Variants in CCDC191 observed in about 807,000 individuals in gnomAD.
CCDC191 encodes coiled-coil domain-containing protein 191.
In CCDC191, 99 loss-of-function variants were observed where a neutral mutation model predicts 114.0. That is an observed-to-expected ratio of 0.87 (90% CI 0.74 to 1.03). CCDC191 has a LOEUF of 1.03. Among genes scored for constraint, CCDC191 ranks in the 50% least tolerant of loss-of-function variants. The probability of loss-of-function intolerance (pLI) is 0.00; values close to 1 mark genes in which losing one functional copy is unlikely to be tolerated. For synonymous variants in CCDC191, 351 were observed against 376.0 expected (o/e 0.93, Z 0.77); for missense variants, 973 against 1,087.0 (o/e 0.90, Z 1.47).
chr3:113,978,826 T>C, intron 15 of CCDC191, 32 bp downstream of exon 15: 1 of 1,593,838 alleles, frequency 6.3e-7, no homozygotes, highest in Non-Finnish European at 8.6e-7. Flanking sequence ...AGCAATGAGA[T>C]GTATTTAAGG....
intron 8 of CCDC191, 61 bp from the exon 9 acceptor site, chr3:114,011,082 T>C (rs1238944583): frequency 2.0e-6 from 3 of 1,523,718 alleles, no homozygotes; most frequent in South Asian, 1.3e-5. Flanking sequence ...TAATTGATAA[T>C]ATAAATGAAA....
At chr3:113,968,046 C>CA (rs1940393386) in intron 16 of CCDC191, among the ~76,000 whole-genome samples, 1 of 152,136 alleles carries the variant, frequency 6.6e-6, no homozygotes, top group South Asian at 2.1e-4. Context: ...GATGGGTGCT[C>CA]AGGTTGATTC....
At chr3:113,985,026 G>A (rs959936033) in intron 13 of CCDC191, among the ~76,000 whole-genome samples, 3 of 152,158 alleles carry the variant, frequency 2.0e-5, no homozygotes, top group Admixed American at 2.0e-4. Context: ...ATATGAGTAA[G>A]ACAATTAAAC....
intron 13 of CCDC191, among the ~76,000 whole-genome samples, chr3:113,981,942 T>C (rs2075167339): frequency 6.6e-6 from 1 of 152,216 alleles, no homozygotes; most frequent in Non-Finnish European, 1.5e-5. Context: ...AATTTTCTCA[T>C]GCATAGTAAG....
chr3:113,991,106 C>T (rs1347147635), intron 13 of CCDC191, among the ~76,000 whole-genome samples: 2 of 151,690 alleles, frequency 1.3e-5, no homozygotes, highest in African/African-American at 4.8e-5. Flanking sequence ...TGTGGTGGCG[C>T]ATGCCTCTAA....
At chr3:113,974,510 G>A (rs1941132640) in intron 16 of CCDC191, among the ~76,000 whole-genome samples, 1 of 151,856 alleles carries the variant, frequency 6.6e-6, no homozygotes, top group Admixed American at 6.6e-5. Flanking sequence ...AGTAGAGAGG[G>A]GGTTTCACCA....
rs939589270 is a variant in CCDC191, at chr3:114,024,738, A to G, written c.973-5870T>C. Among the ~76,000 whole-genome samples the G allele has an allele frequency of 3.9e-5, 6 of 152,192 alleles. No individual in the cohort carries two copies. In the South Asian group the frequency reaches 8.3e-4, roughly 21 times the overall value. ...GGGAGGAGGGATAGCATTAGGAGAT[A>G]TACCTAATGTTAAATGACAAGTTAA... On this transcript the variant is annotated intron_variant, in intron 7 of 16. Coordinates refer to ENST00000295878, the MANE Select transcript of CCDC191 (RefSeq NM_020817.2).
chr3:113,992,076 A>AT (rs1316077257), intron 13 of CCDC191, among the ~76,000 whole-genome samples: 2 of 152,200 alleles, frequency 1.3e-5, no homozygotes, highest in Admixed American at 6.5e-5. Context: ...AGAAGCACTG[A>AT]TTTTGACAAG....
At chr3:113,991,639 T>C (rs553360940) in intron 13 of CCDC191, among the ~76,000 whole-genome samples, 1 of 152,324 alleles carries the variant, frequency 6.6e-6, no homozygotes, top group South Asian at 2.1e-4. Context: ...ATCATGCCTA[T>C]TCCATCTCAT....
At chr3:113,993,002 T>C (rs1396736311) in intron 13 of CCDC191, among the ~76,000 whole-genome samples, 2 of 152,168 alleles carry the variant, frequency 1.3e-5, no homozygotes, top group Non-Finnish European at 2.9e-5. Context: ...TGGTTCAATA[T>C]GCACAGATCA....
intron 9 of CCDC191, among the ~76,000 whole-genome samples, chr3:114,009,414 C>CT (rs199689990): frequency 6.6e-6 from 1 of 151,812 alleles, no homozygotes; most frequent in African/African-American, 2.4e-5. Flanking sequence ...ATTCCATAAG[C>CT]TTTTTTTTCC....
At chr3:114,052,959 C>T (rs555062651) in intron 2 of CCDC191, among the ~76,000 whole-genome samples, 4 of 152,134 alleles carry the variant, frequency 2.6e-5, no homozygotes, top group Non-Finnish European at 5.9e-5. Context: ...GAAGCACACA[C>T]CTGAAATGAT....
At chr3:114,031,831 G>A in intron 6 of CCDC191, 52 bp from the exon 7 acceptor site, 1 of 825,772 alleles carries the variant, frequency 1.2e-6, no homozygotes, top group Non-Finnish European at 1.9e-6. Context: ...ATTTAAAAAT[G>A]AGCAATTACA....
intron 6 of CCDC191, 83 bp downstream of exon 6, chr3:114,034,842 T>C (rs1231120820): frequency 7.4e-6 from 8 of 1,077,834 alleles, no homozygotes; most frequent in Non-Finnish European, 1.1e-5. Context: ...TATTGAATGT[T>C]TGTGCACTTC....
intron 7 of CCDC191, 47 bp from the exon 8 acceptor site, chr3:114,018,915 T>C: frequency 6.5e-7 from 1 of 1,548,702 alleles, no homozygotes; most frequent in Non-Finnish European, 8.8e-7. Flanking sequence ...GCGCTAGTGT[T>C]TCTAATATCT....
intron 12 of CCDC191, among the ~76,000 whole-genome samples, chr3:114,002,248 T>C (rs969059402): frequency 1.3e-5 from 2 of 152,232 alleles, no homozygotes; most frequent in Non-Finnish European, 2.9e-5. Flanking sequence ...TAACATTTTC[T>C]TCCTGCTGTG....
intron 13 of CCDC191, among the ~76,000 whole-genome samples, chr3:113,995,649 G>C (rs1469013676): frequency 2.0e-5 from 3 of 152,118 alleles, no homozygotes; most frequent in South Asian, 2.1e-4. Flanking sequence ...CCTAGTAATG[G>C]GACTGCTGGG....
chr3:113,967,994 A>G lies in CCDC191; in HGVS notation c.2607-2635T>C, dbSNP rs1294246946. Among the ~76,000 whole-genome samples the G allele has an allele frequency of 3.3e-5, 5 of 152,018 alleles. No individual in the cohort carries two copies. In the East Asian group the frequency reaches 9.6e-4, roughly 29 times the overall value. ...CATTCTTTTTCATTACTAATATTCC[A>G]TTTTGTGTATATACCATATTTTCTT... On this transcript the variant is annotated intron_variant, in intron 16 of 16. Transcript: ENST00000295878.
intron 16 of CCDC191, among the ~76,000 whole-genome samples, chr3:113,967,430 C>T (rs1940316547): frequency 6.7e-6 from 1 of 150,266 alleles, no homozygotes; most frequent in Non-Finnish European, 1.5e-5. Flanking sequence ...TCTTTCTTTC[C>T]CTGAACTCCT....
Sources: gnomAD v4.1 joint callset for allele counts (sites outside exome capture counted in the v4.1 genomes callset) on GRCh38, gnomAD v4.1.1 for gene constraint, MANE v1.5 for transcripts, NCBI Gene and HGNC (gene_info 2026-07-23, HGNC 2026-07-21) for gene names.